AIG1: variants seen among roughly 807,000 people sequenced by gnomAD.
The protein encoded by AIG1 is androgen induced 1, also known as androgen-induced gene 1 protein.
Under a neutral mutation model 31.4 loss-of-function variants are expected in AIG1, and 23 were observed. That is an observed-to-expected ratio of 0.73 (90% CI 0.53 to 1.04). The LOEUF (loss-of-function observed/expected upper bound fraction) is 1.04. AIG1 is among the 50% of genes least tolerant of loss of function. The probability of loss-of-function intolerance (pLI) is 0.00; values close to 1 mark genes in which losing one functional copy is unlikely to be tolerated. For synonymous variants in AIG1, 100 were observed against 110.5 expected (o/e 0.90, Z 0.60); for missense variants, 274 against 295.0 (o/e 0.93, Z 0.52).
chr6:143,170,590 T>G (rs199552117), intron 3 of AIG1, among the ~76,000 whole-genome samples: 4 of 82,068 alleles, frequency 4.9e-5, no homozygotes, highest in Non-Finnish European at 9.9e-5. Flanking sequence ...AAAACAAGTT[T>G]TTTTTTTTTT....
intron 2 of AIG1, among the ~76,000 whole-genome samples, chr6:143,143,901 A>G (rs1472360511): frequency 6.6e-6 from 1 of 152,228 alleles, no homozygotes; most frequent in African/African-American, 2.4e-5. Flanking sequence ...AGACTCAGAA[A>G]ACTGTAATTA....
Position 143,209,127 on chromosome 6 carries a change from C to G in AIG1, c.399+43944C>G, listed in dbSNP as rs552763636. ...CTGAAGCCACCTCACCCCTGCAGTTCCTGCAATAAAGAAAACACAGCCCTT... is the reference window on the plus strand; with the variant it reads ...CTGAAGCCACCTCACCCCTGCAGTTGCTGCAATAAAGAAAACACAGCCCTT... On this transcript the variant is annotated intron_variant, in intron 3 of 5. Coordinates refer to ENST00000357847, the MANE Select transcript of AIG1 (RefSeq NM_016108.4). Among the ~76,000 whole-genome samples, 6 of 152,332 alleles carry G rather than the reference C, an allele frequency of 3.9e-5. No homozygotes were observed. In the South Asian group the frequency reaches 1.0e-3, roughly 26 times the overall value.
rs1434236634 is a variant in AIG1 at position 143,288,390 on chromosome 6, G to A, written c.515+4165G>A. Among the ~76,000 whole-genome samples, 1 of 152,074 alleles carries A rather than the reference G, an allele frequency of 6.6e-6. No individual in the cohort carries two copies. The highest frequency in any genetic ancestry group is 2.4e-5 in the African/African-American group (1 of 41,400). On this transcript the variant is annotated intron_variant, in intron 4 of 5. Transcript: ENST00000357847. The surrounding 1 kb of genome is among the most constrained non-coding windows in gnomAD (Gnocchi z 4.4). ...TCAGAAGCCATGTATAATACGTGCT[G>A]ATCTCTCAACCCAGGACACATCAAG...
At chr6:143,107,527 A>T (rs1780910324) in intron 1 of AIG1, among the ~76,000 whole-genome samples, 1 of 152,204 alleles carries the variant, frequency 6.6e-6, no homozygotes, top group Admixed American at 6.5e-5. Context: ...GTAAACTAGA[A>T]TAAAGCTTCC....
At chr6:143,162,420 G>C (rs1263165682) in intron 2 of AIG1, among the ~76,000 whole-genome samples, 1 of 152,286 alleles carries the variant, frequency 6.6e-6, no homozygotes, top group East Asian at 1.9e-4. Context: ...AAATGGAAAT[G>C]CAAAGGACTT....
At position 143,228,987 on chromosome 6, in the gene AIG1, A is replaced by G. The variant is rs534721807; in HGVS notation, c.400-55123A>G. 3.3e-5 allele frequency among the ~76,000 whole-genome samples: 5 copies of G among 152,288 alleles called. No homozygotes were observed. In the East Asian group the frequency reaches 9.7e-4, roughly 29 times the overall value. ...CTTTTTGGCAGTGCCGGATCATGCC[A>G]TTGCCATGATAGAAACCCAGATTTG... On this transcript the variant is annotated intron_variant, in intron 3 of 5. Transcript: ENST00000357847.
chr6:143,201,130 A>C (rs1790662549), intron 3 of AIG1, among the ~76,000 whole-genome samples: 3 of 152,246 alleles, frequency 2.0e-5, no homozygotes, highest in African/African-American at 7.2e-5. Context: ...AGCAGATACT[A>C]CTTTATTATG....
At chr6:143,309,160 G>T (rs141528188) in intron 4 of AIG1, among the ~76,000 whole-genome samples, 2 of 151,910 alleles carry the variant, frequency 1.3e-5, no homozygotes, top group Non-Finnish European at 2.9e-5. Context: ...GACAAAAGCC[G>T]TCAACCTAGA....
At chr6:143,264,597 A>G (rs1796026290) in intron 3 of AIG1, among the ~76,000 whole-genome samples, 1 of 152,162 alleles carries the variant, frequency 6.6e-6, no homozygotes, top group Admixed American at 6.5e-5. Context: ...TTGAAATCCA[A>G]ACAAAGCCCC....
intron 3 of AIG1, among the ~76,000 whole-genome samples, chr6:143,213,508 CT>C (rs746350692): frequency 0.011 from 665 of 61,184 alleles, 1 homozygote; most frequent in African/African-American, 0.032. Flanking sequence ...TTTCTTTCTT[CT>C]TTTTTTTTTT....
chr6:143,060,393 C>A (rs987466123), upstream of AIG1: 3 of 186,874 alleles, frequency 1.6e-5, no homozygotes, highest in South Asian at 1.6e-4. Flanking sequence ...CGGCCAACTG[C>A]AACTACCCCA....
At chr6:143,332,895 G>T (rs1473794484) in intron 4 of AIG1, among the ~76,000 whole-genome samples, 1 of 152,116 alleles carries the variant, frequency 6.6e-6, no homozygotes, top group Non-Finnish European at 1.5e-5. Flanking sequence ...AGACCACATG[G>T]GGTCCTGGAT....
chr6:143,206,045 G>A (rs566605971), intron 3 of AIG1, among the ~76,000 whole-genome samples: 81 of 152,318 alleles, frequency 5.3e-4, no homozygotes, highest in African/African-American at 1.9e-3. Context: ...TTATGACTGT[G>A]TTGATCCATG....
intron 1 of AIG1, among the ~76,000 whole-genome samples, chr6:143,118,457 CAA>C (rs113127575): frequency 1.8e-3 from 205 of 110,958 alleles, no homozygotes; most frequent in Middle Eastern, 5.3e-3. Flanking sequence ...GACTCCGTCT[CAA>C]AAAAAAAAAA....
chr6:143,308,557 G>C (rs1175974124), intron 4 of AIG1, among the ~76,000 whole-genome samples: 1 of 152,172 alleles, frequency 6.6e-6, no homozygotes, highest in Non-Finnish European at 1.5e-5. Context: ...GTTCATAGCA[G>C]CATGTGGGGG....
chr6:143,082,786 G>T (rs1475755787), intron 1 of AIG1, among the ~76,000 whole-genome samples: 1 of 152,182 alleles, frequency 6.6e-6, no homozygotes, highest in Non-Finnish European at 1.5e-5. Flanking sequence ...CCTGTGTAAG[G>T]ACTCTTAGAG....
chr6:143,192,953 A>G (rs1454435511), intron 3 of AIG1, among the ~76,000 whole-genome samples: 1 of 152,152 alleles, frequency 6.6e-6, no homozygotes, highest in East Asian at 1.9e-4. Context: ...TTTGTTCCCT[A>G]AGTAGCCCTG....
chr6:143,071,051 G>A (rs1315235165), intron 1 of AIG1, among the ~76,000 whole-genome samples: 14 of 152,086 alleles, frequency 9.2e-5, no homozygotes, highest in East Asian at 3.8e-4. Context: ...CCATTATCAC[G>A]AAGATACCTC....
rs748820166 is a variant in AIG1 at position 143,060,906 on chromosome 6, G to C, written c.-20G>C. ...CGCCCGCCCTCCTTGCCGCCCAGCC[G>C]GTCCAGGCCTCTGGCGAACATGGCG... On this transcript the variant is annotated 5_prime_UTR_variant, in exon 1 of 6. Transcript: ENST00000357847. The C allele has an allele frequency of 2.4e-5, 36 of 1,474,420 alleles. No individual in the cohort carries two copies. Among genetic ancestry groups the C allele is most frequent in the Non-Finnish European group, 3.0e-5 (33 of 1,105,542 alleles). 91.3% of individuals were successfully genotyped at this position (1,474,420 alleles called of 1,614,324 possible). A position where few individuals can be genotyped will look rare whatever the true frequency, so the allele number is the denominator to read the frequency against.
Sources: gnomAD v4.1 joint callset for allele counts (sites outside exome capture counted in the v4.1 genomes callset) on GRCh38, gnomAD v4.1.1 for gene constraint, Gnocchi (gnomAD v3.1) non-coding constraint, MANE v1.5 for transcripts, NCBI Gene and HGNC (gene_info 2026-07-23, HGNC 2026-07-21) for gene names.